Variants in TMEM265 observed in about 807,000 individuals in gnomAD.
TMEM265 encodes transmembrane protein 265.
A neutral mutation model predicts 9.5 loss-of-function variants in TMEM265; 8 were observed. That is an observed-to-expected ratio of 0.84 (90% CI 0.49 to 1.52). The LOEUF (loss-of-function observed/expected upper bound fraction) is 1.52. TMEM265 is among the 40% of genes most tolerant of loss of function. TMEM265 has a pLI of 0.00. For synonymous variants in TMEM265, 53 were observed against 56.9 expected (o/e 0.93, Z 0.31); for missense variants, 152 against 146.2 (o/e 1.04, Z -0.21).
rs575095170 is a variant in TMEM265, at chr16:30,744,611, A to G, written c.*668A>G. 9.9e-5 allele frequency: 15 copies of G among 152,214 alleles called. No homozygotes were observed. Among genetic ancestry groups the G allele is most frequent in the Non-Finnish European group, 1.8e-4 (12 of 68,042 alleles). The allele number at this position is 152,214 out of a possible 1,614,324, so 9.4% of individuals were successfully genotyped here. ...AGTAGATGTCTGTACTATCATATCC[A>G]TCATATGAATATATCACATATGATA... is the stretch of plus-strand genomic sequence containing the variant. On this transcript the variant is annotated 3_prime_UTR_variant, in exon 3 of 3. Coordinates refer to ENST00000615541, the MANE Select transcript of TMEM265 (RefSeq NM_001256829.2).
chr16:30,742,313 G>T (rs1022006642), intron 2 of TMEM265, among the ~76,000 whole-genome samples: 3 of 152,142 alleles, frequency 2.0e-5, no homozygotes, highest in Non-Finnish European at 2.9e-5. Flanking sequence ...GTGTACAAAG[G>T]CCTGTGGAGC....
At chr16:30,742,924 C>CAA (rs11300181) in intron 2 of TMEM265, among the ~76,000 whole-genome samples, 1 of 114,694 alleles carries the variant, frequency 8.7e-6, no homozygotes, top group African/African-American at 3.2e-5. Flanking sequence ...GACTCTGTCT[C>CAA]AAAAAAAAAA....
rs562059827 is a variant in TMEM265, at chr16:30,743,694, C to T, written c.166-88C>T. On this transcript the variant is annotated intron_variant, in intron 2 of 2. Transcript: ENST00000615541. ...AGGGTTTGGATGTGAGATTTTGATC[C>T]GTGACAGGGAAGGGGGAGCGGAGTG... 1.1e-5 allele frequency: 16 copies of T among 1,394,952 alleles called. No homozygotes were observed. The East Asian group carries it at 1.5e-4, about 13-fold the overall frequency. 86.4% of individuals were successfully genotyped at this position (1,394,952 alleles called of 1,614,324 possible). A position where few individuals can be genotyped will look rare whatever the true frequency, so the allele number is the denominator to read the frequency against.
Position 30,744,175 on chromosome 16 carries a change from C to A in TMEM265, c.*232C>A. On this transcript the variant is annotated 3_prime_UTR_variant, in exon 3 of 3. Coordinates refer to ENST00000615541, the MANE Select transcript of TMEM265 (RefSeq NM_001256829.2). ...TTTCAGGGCCCCCCACCCCCATCTC[C>A]CCTACCCTAGCCCACCCTAGGGCCT... The A allele has an allele frequency of 2.2e-6, 1 of 454,920 alleles. No individual in the cohort carries two copies. Among genetic ancestry groups the A allele is most frequent in the Non-Finnish European group, 3.8e-6 (1 of 262,972 alleles). The allele number at this position is 454,920 out of a possible 1,614,324, so 28.2% of individuals were successfully genotyped here. A position where few individuals can be genotyped will look rare whatever the true frequency, so the allele number is the denominator to read the frequency against.
rs955474009 is a variant in TMEM265, at chr16:30,741,752, C to G, written c.9C>G (p.Asp3Glu). The change falls in exon 2 of 3, where the codon GAC becomes GAG. Residue 3 changes from aspartate to glutamate, a missense_variant. Physicochemically the swap from Asp to Glu is conservative, Grantham distance 45 (BLOSUM62 2). Transcript: ENST00000615541. Reference protein sequence around the residue: MEDEEKAVEILGN... With the variant: MEEEEKAVEILGN... Reference sequence around the variant, plus strand: ...ACTATCGCCCACAGGTGATGGAGGACGAGGAGAAGGCAGTGGAGATCTTGG... The same window carrying G: ...ACTATCGCCCACAGGTGATGGAGGAGGAGGAGAAGGCAGTGGAGATCTTGG... The G allele has an allele frequency of 2.0e-6, 3 of 1,533,606 alleles. No individual in the cohort carries two copies. Among genetic ancestry groups the G allele is most frequent in the Non-Finnish European group, 2.6e-6 (3 of 1,146,482 alleles). 95.0% of individuals were successfully genotyped at this position (1,533,606 alleles called of 1,614,324 possible).
intron 1 of TMEM265, chr16:30,741,276 C>T (rs2053222183): frequency 6.5e-6 from 1 of 152,974 alleles, no homozygotes; most frequent in African/African-American, 2.4e-5. Flanking sequence ...AAAATGGCTG[C>T]TTTGCTTGAA....
intron 2 of TMEM265, 68 bp downstream of exon 2, chr16:30,741,976 C>T (rs2151302679): frequency 1.4e-6 from 2 of 1,436,188 alleles, no homozygotes; most frequent in Non-Finnish European, 1.9e-6. Context: ...TCTGATCTAT[C>T]TACATTGACC....
rs2053239115 is a variant in TMEM265, at chr16:30,743,772, G to GC, written c.166-5dup. ...AGGGGGAGAACCTAACCAAGAACCT[G>GC]CCCCCACAGGCGGAAGAGCGGCATA... On this transcript the variant is annotated splice_polypyrimidine_tract_variant and intron_variant, in intron 2 of 2. Transcript: ENST00000615541. 2 of 1,517,182 alleles carry GC rather than the reference G, an allele frequency of 1.3e-6. No individual in the cohort carries two copies. The highest frequency in any genetic ancestry group is 1.2e-5 in the South Asian group (1 of 82,176). 94.0% of individuals were successfully genotyped at this position (1,517,182 alleles called of 1,614,324 possible).
chr16:30,742,938 A>C (rs1479317365), intron 2 of TMEM265, among the ~76,000 whole-genome samples: 19 of 147,362 alleles, frequency 1.3e-4, no homozygotes, highest in Non-Finnish European at 2.1e-4. Flanking sequence ...AAAAAAAAAA[A>C]ACAAAAAAAA....
intron 1 of TMEM265, 175 bp downstream of exon 1, chr16:30,740,882 A>G (rs11150595): frequency 0.97 from 147,243 of 152,348 alleles, 71,309 homozygotes; most frequent in Middle Eastern, 1. Context: ...CACCTTTCCT[A>G]TCCTTCGTTA....
Position 30,741,920 on chromosome 16 carries a change from A to T in TMEM265, c.165+12A>T. 17 of 1,532,476 alleles carry T rather than the reference A, an allele frequency of 1.1e-5. No homozygotes were observed. Among genetic ancestry groups the T allele is most frequent in the Non-Finnish European group, 1.5e-5 (17 of 1,145,480 alleles). 94.9% of individuals were successfully genotyped at this position (1,532,476 alleles called of 1,614,324 possible). On this transcript the variant is annotated intron_variant, in intron 2 of 2. Coordinates refer to ENST00000615541, the MANE Select transcript of TMEM265 (RefSeq NM_001256829.2). ...TGTTTGCCATCAAGGTGAGGAGTGC[A>T]ATTCCCATGGGAATGGGGGTGGGTA...
At chr16:30,741,551 G>A (rs1205222874) in intron 1 of TMEM265, 190 bp from the exon 2 acceptor site, 1 of 583,848 alleles carries the variant, frequency 1.7e-6, no homozygotes, top group Non-Finnish European at 2.9e-6. Context: ...TCAAGCTTAG[G>A]TAAAAGGATT....
rs1320906189 is a variant in TMEM265 at position 30,744,665 on chromosome 16, A to G, written c.*722A>G. 2.0e-5 allele frequency: 3 copies of G among 152,250 alleles called. No individual in the cohort carries two copies. The highest frequency in any genetic ancestry group is 7.2e-5 in the African/African-American group (3 of 41,460). 9.4% of individuals were successfully genotyped at this position (152,250 alleles called of 1,614,324 possible). A position where few individuals can be genotyped will look rare whatever the true frequency, so the allele number is the denominator to read the frequency against. ...ACCAACTATCTGAGTGAAAACTGGA[A>G]GAAATGTTCTAAAATGACAGTGTTC... On this transcript the variant is annotated 3_prime_UTR_variant, in exon 3 of 3. Transcript: ENST00000615541.
chr16:30,741,646 A>G (rs2151302545), intron 1 of TMEM265, 95 bp from the exon 2 acceptor site: 1 of 1,343,320 alleles, frequency 7.4e-7, no homozygotes, highest in Non-Finnish European at 9.9e-7. Context: ...AGGCTAGGCC[A>G]TGAGAACAGA....
rs2053246900 is a variant in TMEM265, at chr16:30,744,836, G to A, written c.*893G>A. ...TAACAGCAACAACCATCCTGTACAT[G>A]GAGATTTGAGTGATTAAAATGGATT... On this transcript the variant is annotated 3_prime_UTR_variant, in exon 3 of 3. Transcript: ENST00000615541. The A allele has an allele frequency of 6.6e-6, 1 of 152,120 alleles. No homozygotes were observed. The highest frequency in any genetic ancestry group is 1.5e-5 in the Non-Finnish European group (1 of 68,014). The allele number at this position is 152,120 out of a possible 1,614,324, so 9.4% of individuals were successfully genotyped here.
At position 30,741,810 on chromosome 16, in the gene TMEM265, A is replaced by AT; in HGVS notation, c.68dup (p.Arg24ProfsTer14). The AT allele has an allele frequency of 2.0e-6, 3 of 1,533,980 alleles. No homozygotes were observed. The highest frequency in any genetic ancestry group is 1.7e-6 in the Non-Finnish European group (2 of 1,146,736). On this transcript the variant is annotated frameshift_variant, in exon 2 of 3. Coordinates refer to ENST00000615541, the MANE Select transcript of TMEM265 (RefSeq NM_001256829.2). LOFTEE classifies it high-confidence loss of function. ...GGAAGCTGCTCATCCTCCATCCCCC[A>AT]TCCGCTGCTGCTGGCTCCGCCTCCG...
At position 30,741,870 on chromosome 16, in the gene TMEM265, T is replaced by C; in HGVS notation, c.127T>C (p.Ser43Pro). ...LAATSIICGC[S>P]CLGVMALVFA... ...AGCTACTAGCATTATCTGTGGCTGC[T>C]CTTGCCTGGGAGTCATGGCTCTGGT... Residue 43 changes from serine to proline, a missense_variant, in exon 2 of 3, where the codon TCT becomes CCT. Transcript: ENST00000615541. 2 of 1,533,952 alleles carry C rather than the reference T, an allele frequency of 1.3e-6. No individual in the cohort carries two copies. The highest frequency in any genetic ancestry group is 1.2e-5 in the South Asian group (1 of 83,970).
rs980734684 is a variant in TMEM265 at position 30,744,169 on chromosome 16, C to T, written c.*226C>T. Reference sequence around the variant, plus strand: ...CTGTTCTTTCAGGGCCCCCCACCCCCATCTCCCCTACCCTAGCCCACCCTA... The same window carrying T: ...CTGTTCTTTCAGGGCCCCCCACCCCTATCTCCCCTACCCTAGCCCACCCTA... On this transcript the variant is annotated 3_prime_UTR_variant, in exon 3 of 3. Transcript: ENST00000615541. 1.5e-5 allele frequency: 7 copies of T among 471,908 alleles called. No individual in the cohort carries two copies. Among genetic ancestry groups the T allele is most frequent in the East Asian group, 1.0e-4 (3 of 29,594 alleles). The allele number at this position is 471,908 out of a possible 1,614,324, so 29.2% of individuals were successfully genotyped here.
Position 30,741,788 on chromosome 16 carries a change from A to G in TMEM265, c.45A>G (p.Glu15=). The G allele has an allele frequency of 1.3e-6, 2 of 1,533,784 alleles. No individual in the cohort carries two copies. The highest frequency in any genetic ancestry group is 1.7e-6 in the Non-Finnish European group (2 of 1,146,660). Residue 15 remains glutamate, a synonymous_variant, in exon 2 of 3, where the codon GAA becomes GAG. Coordinates refer to ENST00000615541, the MANE Select transcript of TMEM265 (RefSeq NM_001256829.2). ...CAGTGGAGATCTTGGGCAACACGGA[A>G]GCTGCTCATCCTCCATCCCCCATCC... ...EKAVEILGNT[E]AAHPPSPIRC...
Sources: allele counts gnomAD v4.1 joint callset (sites outside exome capture counted in the v4.1 genomes callset), GRCh38; gene constraint gnomAD v4.1.1; transcripts MANE v1.5; gene names NCBI Gene and HGNC (gene_info 2026-07-23, HGNC 2026-07-21).